The following PLP1 variants were observed in gnomAD, a reference collection of about 807,000 sequenced individuals.
PLP1 encodes myelin proteolipid protein.
PLP1 carries 2 observed loss-of-function variants against 18.5 expected under a neutral mutation model. The observed-to-expected ratio is 0.11, with a 90% CI of 0.04 to 0.34. The LOEUF is 0.34. Among genes scored for constraint, PLP1 ranks in the 10% least tolerant of loss-of-function variants. The probability of loss-of-function intolerance (pLI) is 1.00; values close to 1 mark genes in which losing one functional copy is unlikely to be tolerated. For synonymous variants in PLP1, 86 were observed against 83.2 expected (o/e 1.03, Z -0.19); for missense variants, 105 against 207.3 (o/e 0.51, Z 3.03).
Position 103,786,058 on chromosome X carries a change from A to G in PLP1, c.191+290A>G. Reference sequence around the variant, plus strand: ...TCATATTGCCCAAGTTGGAGCCTCCAGCGTAGTAGGTATGGAGAAGCCAAG... The same window carrying G: ...TCATATTGCCCAAGTTGGAGCCTCCGGCGTAGTAGGTATGGAGAAGCCAAG... On this transcript the variant is annotated intron_variant, in intron 2 of 6. Coordinates refer to ENST00000621218, the MANE Select transcript of PLP1 (RefSeq NM_000533.5). 4.9e-6 allele frequency: 5 copies of G among 1,029,443 alleles called. No homozygotes were observed. In the South Asian group the frequency reaches 9.4e-5, roughly 19 times the overall value. 84.8% of individuals were successfully genotyped at this position (1,029,443 alleles called of 1,213,427 possible).
upstream of PLP1, chrX:103,776,751 G>C: frequency 3.0e-6 from 1 of 330,974 alleles, no homozygotes. Context: ...TCCCTGAGTA[G>C]GTGGGGAAAA....
chrX:103,777,227 T>A (rs182402974), intron 1 of PLP1, among the ~76,000 whole-genome samples: 3 of 111,676 alleles, frequency 2.7e-5, no homozygotes. Flanking sequence ...GTCCCACAGA[T>A]CTCTGGAGAG....
intron 1 of PLP1, among the ~76,000 whole-genome samples, chrX:103,782,971 C>T (rs2074466509): frequency 8.9e-6 from 1 of 112,319 alleles, no homozygotes. Context: ...CATCCCCAGG[C>T]TTCAGAGACT....
In PLP1 at chrX:103,790,669, A is replaced by T. The variant is rs1602386850; in HGVS notation, c.*71A>T. The T allele has an allele frequency of 1.3e-6, 1 of 793,037 alleles. No individual in the cohort carries two copies. The highest frequency in any genetic ancestry group is 2.0e-5 in the African/African-American group (1 of 49,578). 65.4% of individuals were successfully genotyped at this position (793,037 alleles called of 1,213,427 possible). A position where few individuals can be genotyped will look rare whatever the true frequency, so the allele number is the denominator to read the frequency against. On this transcript the variant is annotated 3_prime_UTR_variant, in exon 7 of 7. Transcript: ENST00000621218. ...CACAGCCTACAATGCTGCGTCTCCC[A>T]TCTTAACTCTTTGCCTTTGCCACCA...
chrX:103,788,955 G>A (rs745999693), intron 5 of PLP1: 1 of 303,057 alleles, frequency 3.3e-6, no homozygotes, highest in African/African-American at 2.7e-5. Flanking sequence ...ACTGTATTGA[G>A]AACAGATATT....
chrX:103,778,540 T>A (rs780100343), intron 1 of PLP1, among the ~76,000 whole-genome samples: 1 of 111,223 alleles, frequency 9.0e-6, no homozygotes, highest in Non-Finnish European at 1.9e-5. Flanking sequence ...TGAATATTAC[T>A]TCCTCAGGGG....
intron 1 of PLP1, chrX:103,781,025 G>A (rs1171561870): frequency 5.2e-6 from 1 of 193,397 alleles, no homozygotes; most frequent in African/African-American, 2.9e-5. Context: ...TAGCTCTATT[G>A]TATAGGGTTC....
intron 1 of PLP1, among the ~76,000 whole-genome samples, chrX:103,785,093 G>A (rs1251569807): frequency 3.9e-5 from 4 of 103,374 alleles, no homozygotes; most frequent in Non-Finnish European, 7.9e-5. Context: ...TTTTTTTCTT[G>A]AGACAGAGTC....
rs1344836976 is a variant in PLP1 at position 103,791,736 on chromosome X, T to C, written c.*1138T>C. ...AAATGTCTGGAGAATAATTCTTTGATTATGACTGTTTTTTAAACTAGGAAA... is the reference window on the plus strand; with the variant it reads ...AAATGTCTGGAGAATAATTCTTTGACTATGACTGTTTTTTAAACTAGGAAA... On this transcript the variant is annotated 3_prime_UTR_variant, in exon 7 of 7. Coordinates refer to ENST00000621218, the MANE Select transcript of PLP1 (RefSeq NM_000533.5). The C allele has an allele frequency of 1.8e-5, 2 of 112,806 alleles. No homozygotes were observed. The highest frequency in any genetic ancestry group is 5.6e-4 in the East Asian group (2 of 3,585). The allele number at this position is 112,806 out of a possible 1,213,427, so 9.3% of individuals were successfully genotyped here. A position where few individuals can be genotyped will look rare whatever the true frequency, so the allele number is the denominator to read the frequency against.
At chrX:103,790,274 T>A (rs1317137191) in intron 6 of PLP1, among the ~76,000 whole-genome samples, 1 of 112,242 alleles carries the variant, frequency 8.9e-6, no homozygotes, top group African/African-American at 3.2e-5. Flanking sequence ...CAAACAGAGG[T>A]GTGGAATAAA....
intron 1 of PLP1, 47 bp from the exon 2 acceptor site, chrX:103,785,535 A>G: frequency 9.2e-7 from 1 of 1,091,072 alleles, no homozygotes; most frequent in South Asian, 1.8e-5. Context: ...GAGTGGCATG[A>G]GCTACCTACT....
chrX:103,782,103 T>A (rs2074458812), intron 1 of PLP1, among the ~76,000 whole-genome samples: 1 of 112,670 alleles, frequency 8.9e-6, no homozygotes. Flanking sequence ...TTTTCTCAGT[T>A]AGAATCTAAA....
chrX:103,784,518 C>T (rs1426853391), intron 1 of PLP1, among the ~76,000 whole-genome samples: 1 of 111,943 alleles, frequency 8.9e-6, no homozygotes, highest in Non-Finnish European at 1.9e-5. Context: ...CCTGTGCTAG[C>T]TCCATCCTGT....
intron 1 of PLP1, among the ~76,000 whole-genome samples, chrX:103,778,125 T>G (rs2074425265): frequency 8.9e-6 from 1 of 112,103 alleles, no homozygotes; most frequent in Non-Finnish European, 1.9e-5. Context: ...CTGCTACTTA[T>G]GAACTATGTG....
chrX:103,782,351 T>C (rs899062034), intron 1 of PLP1, among the ~76,000 whole-genome samples: 1 of 112,217 alleles, frequency 8.9e-6, no homozygotes, highest in Non-Finnish European at 1.9e-5. Context: ...TGAGCTGTAG[T>C]GGAGCAGAAA....
intron 2 of PLP1, 114 bp downstream of exon 2, chrX:103,785,882 C>T (rs777157938): frequency 5.5e-5 from 43 of 774,926 alleles, no homozygotes; most frequent in South Asian, 5.0e-4. Context: ...GGAGCCAGAC[C>T]GGATTCCCGA....
chrX:103,776,724 C>T (rs757089790), upstream of PLP1: 1 of 338,769 alleles, frequency 3.0e-6, no homozygotes, highest in Admixed American at 5.4e-5. Flanking sequence ...AAGATGGAGC[C>T]CTTAGAGAAG....
chrX:103,784,478 ACCT>A (rs2074478418), intron 1 of PLP1, among the ~76,000 whole-genome samples: 1 of 111,151 alleles, frequency 9.0e-6, no homozygotes, highest in Non-Finnish European at 1.9e-5. Context: ...GTAATATCAA[ACCT>A]CCTATTTTCC....
intron 1 of PLP1, among the ~76,000 whole-genome samples, chrX:103,779,464 A>G (rs1055876295): frequency 3.0e-4 from 34 of 111,935 alleles, no homozygotes; most frequent in Non-Finnish European, 3.0e-4. Flanking sequence ...ATGCCCCAAG[A>G]ATACCAGGAG....
Sources: gnomAD v4.1 joint callset for allele counts (sites outside exome capture counted in the v4.1 genomes callset) on GRCh38, gnomAD v4.1.1 for gene constraint, MANE v1.5 for transcripts, NCBI Gene and HGNC (gene_info 2026-07-23, HGNC 2026-07-21) for gene names.